DYM: variants seen among roughly 807,000 people sequenced by gnomAD.
DYM encodes the protein dymeclin.
Under a neutral mutation model 93.1 loss-of-function variants are expected in DYM, and 78 were observed. That is an observed-to-expected ratio of 0.84 (90% CI 0.70 to 1.01). DYM has a LOEUF of 1.01. DYM is among the 50% of genes least tolerant of loss of function. The pLI, the probability that DYM is intolerant of heterozygous loss-of-function variation, is 0.00. For synonymous variants in DYM, 321 were observed against 319.7 expected, an observed-to-expected ratio of 1.00 and a Z score of -0.04; for missense variants, 789 against 845.0, an observed-to-expected ratio of 0.93 and a Z score of 0.82.
At chr18:49,128,434 A>G (rs1166432243) in intron 15 of DYM, among the ~76,000 whole-genome samples, 5 of 152,226 alleles carry the variant, frequency 3.3e-5, no homozygotes, top group Non-Finnish European at 7.3e-5. Flanking sequence ...GAAAAGTAAA[A>G]TCTAAGTAAA....
At chr18:49,312,059 A>AG (rs1665148485) in intron 8 of DYM, among the ~76,000 whole-genome samples, 1 of 152,190 alleles carries the variant, frequency 6.6e-6, no homozygotes, top group Non-Finnish European at 1.5e-5. Flanking sequence ...GGAAAGCTAC[A>AG]GACACTGGTA....
chr18:49,366,513 C>T (rs768071390), intron 5 of DYM, among the ~76,000 whole-genome samples: 18 of 152,132 alleles, frequency 1.2e-4, no homozygotes, highest in Non-Finnish European at 1.5e-4. Flanking sequence ...TCTCTCAATG[C>T]TTGGTGCAGT....
chr18:49,426,716 C>T (rs1396260518), intron 2 of DYM, among the ~76,000 whole-genome samples: 1 of 145,916 alleles, frequency 6.9e-6, no homozygotes, highest in Non-Finnish European at 1.5e-5. Context: ...AACTGGGTAT[C>T]AAAAAGAAAA....
chr18:49,143,108 G>C (rs2144502447), intron 15 of DYM, among the ~76,000 whole-genome samples: 1 of 152,258 alleles, frequency 6.6e-6, no homozygotes, highest in South Asian at 2.1e-4. Flanking sequence ...ATGGCATTAT[G>C]CCAAGAACAT....
At chr18:49,416,256 T>C (rs1273019715) in intron 2 of DYM, among the ~76,000 whole-genome samples, 34 of 152,230 alleles carry the variant, frequency 2.2e-4, no homozygotes. Context: ...GGGGTTATTA[T>C]TTCCATTTTA....
At chr18:49,099,242 C>T (rs766048681) in intron 16 of DYM, among the ~76,000 whole-genome samples, 20 of 151,868 alleles carry the variant, frequency 1.3e-4, no homozygotes, top group Middle Eastern at 3.2e-3. Context: ...GCTGATATTT[C>T]ACTACTGGAT....
At chr18:49,087,031 C>G (rs2078603800) in intron 17 of DYM, among the ~76,000 whole-genome samples, 1 of 151,770 alleles carries the variant, frequency 6.6e-6, no homozygotes, top group Admixed American at 6.6e-5. Flanking sequence ...AAAAGAGACT[C>G]CAGAAAGCTC....
chr18:49,371,496 A>G (rs1435583462), intron 5 of DYM, among the ~76,000 whole-genome samples: 2 of 152,172 alleles, frequency 1.3e-5, no homozygotes, highest in East Asian at 1.9e-4. Context: ...AATACAATCA[A>G]TGACATCAAA....
intron 17 of DYM, among the ~76,000 whole-genome samples, chr18:49,068,223 A>C (rs767687844): frequency 1.9e-4 from 29 of 152,294 alleles, no homozygotes; most frequent in Middle Eastern, 3.4e-3. Context: ...TGCAGTCAGG[A>C]AGTCCAGGAT....
intron 8 of DYM, among the ~76,000 whole-genome samples, chr18:49,315,309 A>C (rs1348801636): frequency 3.9e-5 from 6 of 152,176 alleles, no homozygotes; most frequent in Non-Finnish European, 7.3e-5. Context: ...TGCACAAAAA[A>C]TTGTATGGTA....
intron 17 of DYM, among the ~76,000 whole-genome samples, chr18:49,074,677 A>G (rs2077161616): frequency 1.3e-5 from 2 of 152,206 alleles, no homozygotes. Flanking sequence ...GAGGATACTC[A>G]TCTGTGCTTT....
chr18:49,457,393 G>A (rs375387229), intron 1 of DYM, among the ~76,000 whole-genome samples: 2 of 152,056 alleles, frequency 1.3e-5, no homozygotes, highest in Admixed American at 1.3e-4. Flanking sequence ...AGACCAAAAC[G>A]AAATATAGAA....
chr18:49,269,627 A>G (rs191511921), intron 11 of DYM, among the ~76,000 whole-genome samples: 5 of 152,330 alleles, frequency 3.3e-5, no homozygotes, highest in Admixed American at 2.0e-4. Context: ...GTTTTGGTCA[A>G]TGCCAGACAG....
chr18:49,425,375 C>A (rs1268053061), intron 2 of DYM, among the ~76,000 whole-genome samples: 1 of 152,136 alleles, frequency 6.6e-6, no homozygotes, highest in Non-Finnish European at 1.5e-5. Flanking sequence ...CTTCCTCACA[C>A]CTCATACAAA....
At chr18:49,218,213 A>T (rs2093171775) in intron 13 of DYM, among the ~76,000 whole-genome samples, 1 of 152,196 alleles carries the variant, frequency 6.6e-6, no homozygotes, top group South Asian at 2.1e-4. Flanking sequence ...AACTATCCTA[A>T]ATATATATGC....
intron 8 of DYM, among the ~76,000 whole-genome samples, chr18:49,326,331 T>C (rs961798835): frequency 6.6e-6 from 1 of 152,098 alleles, no homozygotes; most frequent in African/African-American, 2.4e-5. Flanking sequence ...AAGGAAACAA[T>C]TTTTTCTTGT....
chr18:49,393,744 T>C (rs2069688037), intron 2 of DYM: 1 of 152,044 alleles, frequency 6.6e-6, no homozygotes, highest in African/African-American at 2.4e-5. Flanking sequence ...CACTCCAGCC[T>C]AAGCAACAAG....
intron 15 of DYM, among the ~76,000 whole-genome samples, chr18:49,131,240 C>T (rs1246863298): frequency 6.6e-6 from 1 of 152,196 alleles, no homozygotes; most frequent in African/African-American, 2.4e-5. Context: ...TTTCAATCTT[C>T]CTGCCTTGCA....
At chr18:49,076,385 G>A (rs188216191) in intron 17 of DYM, among the ~76,000 whole-genome samples, 1 of 152,300 alleles carries the variant, frequency 6.6e-6, no homozygotes, top group African/African-American at 2.4e-5. Context: ...AGTGAAACAT[G>A]CTATCGTAAT....
Sources: allele counts gnomAD v4.1 joint callset (sites outside exome capture counted in the v4.1 genomes callset), GRCh38; gene constraint gnomAD v4.1.1; transcripts MANE v1.5; gene names NCBI Gene and HGNC (gene_info 2026-07-23, HGNC 2026-07-21).